ADAMTS20: variants seen among roughly 807,000 people sequenced by gnomAD.
The protein encoded by ADAMTS20 is ADAM metallopeptidase with thrombospondin type 1 motif 20, also known as A disintegrin and metalloproteinase with thrombospondin motifs 20.
In ADAMTS20, 225 loss-of-function variants were observed where a neutral mutation model predicts 260.1. That is an observed-to-expected ratio of 0.87 (90% CI 0.78 to 0.97). The LOEUF (loss-of-function observed/expected upper bound fraction) is 0.97. Among genes scored for constraint, ADAMTS20 ranks in the 50% least tolerant of loss-of-function variants. ADAMTS20 has a pLI of 0.00. For missense variants in ADAMTS20, 2,400 were observed against 2,337.7 expected (o/e 1.03, Z -0.55); for synonymous variants, 802 against 769.5 (o/e 1.04, Z -0.70).
In ADAMTS20 at chr12:43,501,461, A is replaced by ACGCG. The variant is rs3036316; in HGVS notation, c.867+687_867+690dup. 4.4e-3 allele frequency among the ~76,000 whole-genome samples: 573 copies of ACGCG among 131,148 alleles called. 4 individuals are homozygous for ACGCG. The highest frequency in any genetic ancestry group is 8.9e-3 in the East Asian group (27 of 3,048). 86.0% of individuals were successfully genotyped at this position (131,148 alleles called of 152,430 possible). ...ATGTCCCAGGGTGGTGGAGGGGGATACGCGCGCGCGCGCGCGCGCGCACAC... is the reference window on the plus strand; with the variant it reads ...ATGTCCCAGGGTGGTGGAGGGGGATACGCGCGCGCGCGCGCGCGCGCGCGCACAC... On this transcript the variant is annotated intron_variant, in intron 4 of 38. Transcript: ENST00000389420.
At position 43,429,716 on chromosome 12, in the gene ADAMTS20, T is replaced by C; in HGVS notation, c.3390A>G (p.Val1130=). The change falls in exon 24 of 39, where the codon GTA becomes GTG. Residue 1130 remains valine, a synonymous_variant. Transcript: ENST00000389420. ...ASRPSDRQSC[V]LTPCSFISKL... is the part of the protein sequence containing the mutation. ...TAGAAATAAATGAGCAAGGTGTAAG[T>C]ACACAGCTCTGTTCAGAAGAAAAAT... The C allele has an allele frequency of 1.3e-6, 2 of 1,575,218 alleles. No homozygotes were observed. Among genetic ancestry groups the C allele is most frequent in the East Asian group, 4.6e-5 (2 of 43,916 alleles).
Position 43,519,954 on chromosome 12 carries a change from A to C in ADAMTS20, c.613+12082T>G, listed in dbSNP as rs529579114. On this transcript the variant is annotated intron_variant, in intron 3 of 38. Coordinates refer to ENST00000389420, the MANE Select transcript of ADAMTS20 (RefSeq NM_025003.5). ...ATAATCCCAATTTGCTAGAATATAC[A>C]CAAAATTATTAAATGCCATGGCAAA... Among the ~76,000 whole-genome samples, 3 of 152,336 alleles carry C rather than the reference A, an allele frequency of 2.0e-5. No homozygotes were observed. In the South Asian group the frequency reaches 6.2e-4, roughly 32 times the overall value.
At chr12:43,492,984 G>A (rs1565570981) in intron 5 of ADAMTS20, among the ~76,000 whole-genome samples, 186 bp downstream of exon 5, 1 of 152,046 alleles carries the variant, frequency 6.6e-6, no homozygotes, top group African/African-American at 2.4e-5. Flanking sequence ...CCTTTACTCA[G>A]TTAAACACTG....
At chr12:43,474,996 C>T (rs1402955010) in intron 7 of ADAMTS20, among the ~76,000 whole-genome samples, 3 of 125,460 alleles carry the variant, frequency 2.4e-5, no homozygotes, top group Admixed American at 9.0e-5. Context: ...CCAGGGCAAT[C>T]AGGCAGGAGA....
At position 43,406,583 on chromosome 12, in the gene ADAMTS20, T is replaced by C. The variant is rs867207298; in HGVS notation, c.4285-7350A>G. ...ACACTATCATGTGTATGCATCCCTGTATATGTCTTTCATTTTTTTAGAAGC... is the reference window on the plus strand; with the variant it reads ...ACACTATCATGTGTATGCATCCCTGCATATGTCTTTCATTTTTTTAGAAGC... On this transcript the variant is annotated intron_variant, in intron 28 of 38. Coordinates refer to ENST00000389420, the MANE Select transcript of ADAMTS20 (RefSeq NM_025003.5). Among the ~76,000 whole-genome samples the C allele has an allele frequency of 5.9e-5, 9 of 152,168 alleles. No individual in the cohort carries two copies. In the East Asian group the frequency reaches 1.4e-3, roughly 23 times the overall value.
At chr12:43,486,424 A>G (rs1160335520) in intron 7 of ADAMTS20, among the ~76,000 whole-genome samples, 1 of 152,216 alleles carries the variant, frequency 6.6e-6, no homozygotes, top group Non-Finnish European at 1.5e-5. Context: ...TACAAAAATC[A>G]ACTCAAGATG....
At chr12:43,431,958 T>C (rs143316073) in intron 21 of ADAMTS20, among the ~76,000 whole-genome samples, 59 of 151,980 alleles carry the variant, frequency 3.9e-4, no homozygotes, top group African/African-American at 1.3e-3. Flanking sequence ...TGCTCATTGA[T>C]ACTCCACGTC....
At chr12:43,364,993 G>A (rs1939952918) in intron 37 of ADAMTS20, among the ~76,000 whole-genome samples, 1 of 151,914 alleles carries the variant, frequency 6.6e-6, no homozygotes. Flanking sequence ...CAAATGCAAA[G>A]AGAAAATCCC....
chr12:43,458,644 G>T (rs1410414792), intron 11 of ADAMTS20, among the ~76,000 whole-genome samples: 4 of 152,154 alleles, frequency 2.6e-5, no homozygotes, highest in Non-Finnish European at 4.4e-5. Flanking sequence ...ATTGCAATCT[G>T]CCCTCTCCTA....
At chr12:43,361,649 C>T (rs1232330786) in intron 37 of ADAMTS20, among the ~76,000 whole-genome samples, 1 of 151,818 alleles carries the variant, frequency 6.6e-6, no homozygotes, top group Non-Finnish European at 1.5e-5. Flanking sequence ...TTTTCAAGAT[C>T]TTATAGGGAA....
intron 18 of ADAMTS20, among the ~76,000 whole-genome samples, chr12:43,436,939 T>G (rs1941567443): frequency 6.6e-6 from 1 of 152,212 alleles, no homozygotes; most frequent in Non-Finnish European, 1.5e-5. Flanking sequence ...GAGGGCTACT[T>G]AATGACCAAA....
intron 7 of ADAMTS20, among the ~76,000 whole-genome samples, chr12:43,485,924 T>G (rs1431107388): frequency 6.6e-6 from 1 of 151,954 alleles, no homozygotes; most frequent in Non-Finnish European, 1.5e-5. Context: ...AAAACATAGA[T>G]GAATAATAAA....
intron 35 of ADAMTS20, 66 bp downstream of exon 35, chr12:43,375,991 G>T (rs1940217123): frequency 3.4e-6 from 4 of 1,190,348 alleles, no homozygotes; most frequent in Non-Finnish European, 4.8e-6. Flanking sequence ...CACTCTGAGG[G>T]CTAGAAGTTC....
chr12:43,534,640 TAAAC>T (rs1398598286), intron 2 of ADAMTS20, among the ~76,000 whole-genome samples: 1 of 152,068 alleles, frequency 6.6e-6, no homozygotes, highest in Non-Finnish European at 1.5e-5. Context: ...CTTGAGGTTA[TAAAC>T]AAACAAACAA....
intron 3 of ADAMTS20, among the ~76,000 whole-genome samples, chr12:43,509,179 T>C (rs1266315784): frequency 1.3e-5 from 2 of 152,120 alleles, no homozygotes; most frequent in African/African-American, 4.8e-5. Flanking sequence ...GTTGATTCCA[T>C]GTCTTTGCTA....
intron 7 of ADAMTS20, among the ~76,000 whole-genome samples, chr12:43,479,147 C>T (rs1942403589): frequency 6.6e-6 from 1 of 152,128 alleles, no homozygotes; most frequent in South Asian, 2.1e-4. Context: ...CTTTAAAAAG[C>T]ATTATCAGAG....
Position 43,428,448 on chromosome 12 carries a change from A to G in ADAMTS20, c.3738T>C (p.Cys1246=). 1 of 1,614,014 alleles carries G rather than the reference A, an allele frequency of 6.2e-7. No homozygotes were observed. The highest frequency in any genetic ancestry group is 8.5e-7 in the Non-Finnish European group (1 of 1,179,894). Residue 1246 remains cysteine (C), a synonymous_variant, in exon 26 of 39, where the codon TGT becomes TGC. Transcript: ENST00000389420. ...NYHQPIDENY[C]DPEVRPLMEQ... ...CCATCAAAGGGCGAACTTCAGGATC[A>G]CAGTAATTCTCATCAATTGGCTGAT...
At chr12:43,392,580 G>A (rs1039865913) in intron 29 of ADAMTS20, among the ~76,000 whole-genome samples, 2 of 152,038 alleles carry the variant, frequency 1.3e-5, no homozygotes, top group African/African-American at 4.8e-5. Context: ...GCATAAATCA[G>A]TATGGTTTTA....
At chr12:43,489,904 C>T (rs971553078) in intron 7 of ADAMTS20, among the ~76,000 whole-genome samples, 1 of 151,912 alleles carries the variant, frequency 6.6e-6, no homozygotes, top group African/African-American at 2.4e-5. Context: ...TTTAGGAACA[C>T]ATATATATGT....
Sources: gnomAD v4.1 joint callset for allele counts (sites outside exome capture counted in the v4.1 genomes callset) on GRCh38, gnomAD v4.1.1 for gene constraint, MANE v1.5 for transcripts, NCBI Gene and HGNC (gene_info 2026-07-23, HGNC 2026-07-21) for gene names.